The following UROS variants were observed in gnomAD, a reference collection of about 807,000 sequenced individuals.
The protein encoded by UROS is uroporphyrinogen III synthase.
A neutral mutation model predicts 33.0 loss-of-function variants in UROS; 18 were observed. The ratio of observed to expected loss-of-function variants is 0.55; its 90% CI spans 0.38 to 0.81. UROS has a LOEUF of 0.81. Among genes scored for constraint, UROS ranks in the 30% least tolerant of loss-of-function variants. UROS has a pLI of 0.00. For missense variants in UROS, 293 were observed against 314.9 expected, an observed-to-expected ratio of 0.93 and a Z score of 0.53; for synonymous variants, 114 against 121.1, an observed-to-expected ratio of 0.94 and a Z score of 0.38.
At chr10:125,809,731 T>A (rs1160617349) in intron 5 of UROS, among the ~76,000 whole-genome samples, 4 of 152,132 alleles carry the variant, frequency 2.6e-5, no homozygotes, top group Non-Finnish European at 4.4e-5. Context: ...TTGAAAAAAA[T>A]TTATTTTCAA....
intron 9 of UROS, chr10:125,793,283 T>C (rs1299122454): frequency 7.1e-6 from 1 of 140,918 alleles, no homozygotes; most frequent in Non-Finnish European, 1.5e-5. Context: ...ACTAAGAAGC[T>C]TGGGGAAAAC....
chr10:125,790,538 G>A (rs1260031474), intron 9 of UROS, among the ~76,000 whole-genome samples: 2 of 152,244 alleles, frequency 1.3e-5, no homozygotes, highest in Admixed American at 1.3e-4. Flanking sequence ...GCCAGGCATG[G>A]TAGCTCATGC....
intron 9 of UROS, 87 bp from the exon 10 acceptor site, chr10:125,789,092 C>A (rs1358001959): frequency 1.3e-6 from 2 of 1,551,708 alleles, no homozygotes; most frequent in Non-Finnish European, 1.8e-6. Context: ...GGGCCGTCAG[C>A]CAGCTTTGCG....
Position 125,807,430 on chromosome 10 carries a change from G to C in UROS, c.377C>G (p.Ala126Gly). The change falls in exon 6 of 10, where the codon GCA (alanine) becomes GGA (glycine). Residue 126 changes from alanine (A) to glycine (G), a missense_variant. By Grantham distance (60) the Ala-to-Gly change is moderately conservative. Transcript: ENST00000368797. Reference sequence around the variant, plus strand: ...CTACTTACTGGAACAAATATATTCTGCAAGCTTTTCTGCATTTCCACAGGT... The same window carrying C: ...CTACTTACTGGAACAAATATATTCTCCAAGCTTTTCTGCATTTCCACAGGT... ...GETCGNAEKLAEYICSRESSA... is the reference protein window; with the variant it reads ...GETCGNAEKLGEYICSRESSA... 6.2e-7 allele frequency: 1 copy of C among 1,614,044 alleles called. No individual in the cohort carries two copies. The highest frequency in any genetic ancestry group is 1.1e-5 in the South Asian group (1 of 91,086).
chr10:125,821,499 T>G lies in UROS; in HGVS notation c.-27+1530A>C, dbSNP rs184604755. ...AATAAGGGAGTTGTTTAACTACAGT[T>G]TCAATTTTGCTAGATGAAAAGAGTT... On this transcript the variant is annotated intron_variant, in intron 1 of 9. Transcript: ENST00000368797. Among the ~76,000 whole-genome samples, 141 of 152,364 alleles carry G rather than the reference T, an allele frequency of 9.3e-4. 1 individual carries two copies. The highest frequency in any genetic ancestry group is 1.7e-3 in the Non-Finnish European group (113 of 68,028).
At chr10:125,806,248 A>C (rs994421424) in intron 6 of UROS, among the ~76,000 whole-genome samples, 1 of 152,154 alleles carries the variant, frequency 6.6e-6, no homozygotes, top group African/African-American at 2.4e-5. Context: ...TAACATAAAT[A>C]CTTTGTTTTA....
At chr10:125,802,957 A>T (rs776562746) in intron 6 of UROS, 139 of 1,612,700 alleles carry the variant, frequency 8.6e-5, no homozygotes, top group Non-Finnish European at 1.2e-4. Flanking sequence ...TACTCCAATG[A>T]TTCATCAGCA....
chr10:125,797,720 T>C (rs1163857000), intron 7 of UROS, among the ~76,000 whole-genome samples: 2 of 152,138 alleles, frequency 1.3e-5, no homozygotes, highest in Non-Finnish European at 2.9e-5. Context: ...ATTTGTAGAC[T>C]TTCTTCTACA....
intron 1 of UROS, among the ~76,000 whole-genome samples, chr10:125,822,408 C>G (rs1007262702): frequency 1.3e-5 from 2 of 151,844 alleles, no homozygotes; most frequent in African/African-American, 4.8e-5. Flanking sequence ...CTGCAACCTC[C>G]GTCTCCTGGG....
chr10:125,800,718 G>A (rs563640403), intron 6 of UROS, among the ~76,000 whole-genome samples: 14 of 151,998 alleles, frequency 9.2e-5, no homozygotes, highest in Non-Finnish European at 7.4e-5. Context: ...CGGCCACCAA[G>A]CCCAGGTAAT....
intron 1 of UROS, among the ~76,000 whole-genome samples, chr10:125,822,347 CCT>C (rs1294600144): frequency 6.7e-6 from 1 of 149,148 alleles, no homozygotes; most frequent in Non-Finnish European, 1.5e-5. Context: ...ATAGGGTCTA[CCT>C]CTGTCGCCCA....
chr10:125,787,718 A>G (rs1286133590), downstream of UROS, among the ~76,000 whole-genome samples: 1 of 152,158 alleles, frequency 6.6e-6, no homozygotes, highest in Non-Finnish European at 1.5e-5. Flanking sequence ...TAATCTTGAC[A>G]CAAGTGGTCA....
intron 6 of UROS, among the ~76,000 whole-genome samples, chr10:125,801,095 G>A (rs1036476594): frequency 7.9e-5 from 12 of 152,124 alleles, no homozygotes; most frequent in African/African-American, 2.9e-4. Flanking sequence ...TCCCCCTCTC[G>A]GGCACTGCCA....
chr10:125,802,827 G>T, intron 6 of UROS: 1 of 1,479,830 alleles, frequency 6.8e-7, no homozygotes, highest in East Asian at 2.5e-5. Flanking sequence ...GTGCGCTCCT[G>T]GAGATGAGTT....
intron 7 of UROS, chr10:125,796,907 G>T: frequency 1.0e-6 from 1 of 958,526 alleles, no homozygotes; most frequent in Non-Finnish European, 1.2e-6. Flanking sequence ...GATAACTTCA[G>T]CATAAAACAG....
chr10:125,803,023 A>G (rs747899025), intron 6 of UROS: 5 of 1,612,784 alleles, frequency 3.1e-6, no homozygotes, highest in Non-Finnish European at 8.5e-7. Flanking sequence ...TGACTTCTTC[A>G]CCTGAGGGAA....
intron 5 of UROS, among the ~76,000 whole-genome samples, chr10:125,808,166 T>C (rs1047994081): frequency 1.3e-5 from 2 of 152,184 alleles, no homozygotes; most frequent in African/African-American, 2.4e-5. Context: ...CAGCAAACAC[T>C]TGGCCACTCC....
intron 1 of UROS, among the ~76,000 whole-genome samples, chr10:125,818,155 T>C (rs1386130882): frequency 6.6e-6 from 1 of 152,210 alleles, no homozygotes; most frequent in Non-Finnish European, 1.5e-5. Flanking sequence ...TTTAATCCTG[T>C]ATACAATCAT....
At chr10:125,792,493 C>T (rs1295272108) in intron 9 of UROS, 1 of 152,254 alleles carries the variant, frequency 6.6e-6, no homozygotes, top group African/African-American at 2.4e-5. Context: ...AGATACCCAC[C>T]TCACAGGCTG....
Sources: allele counts gnomAD v4.1 joint callset (sites outside exome capture counted in the v4.1 genomes callset), GRCh38; gene constraint gnomAD v4.1.1; transcripts MANE v1.5; gene names NCBI Gene and HGNC (gene_info 2026-07-23, HGNC 2026-07-21).